Variants in ZBTB20 observed in about 807,000 individuals in gnomAD.
ZBTB20 encodes zinc finger and BTB domain containing 20.
Under a neutral mutation model 56.9 loss-of-function variants are expected in ZBTB20, and 9 were observed. That is an observed-to-expected ratio of 0.16 (90% confidence interval 0.10 to 0.28). ZBTB20 has a LOEUF of 0.28. Among genes scored for constraint, ZBTB20 ranks in the 10% least tolerant of loss-of-function variants. The pLI is 1.00. For synonymous variants in ZBTB20, 417 were observed against 420.7 expected (o/e 0.99, Z 0.11); for missense variants, 655 against 1,003.0 (o/e 0.65, Z 4.69).
At position 114,471,527 on chromosome 3, in the gene ZBTB20, T is replaced by C. The variant is rs548992088; in HGVS notation, c.-255+28825A>G. ...AAACAAGGTGGTGGGTCCAGCAGGG[T>C]TGCATGGTTGAAGTCAGCAAATGTC... is the stretch of plus-strand genomic sequence containing the variant. On this transcript the variant is annotated intron_variant, in intron 7 of 11. Transcript: ENST00000675478. 4.6e-5 allele frequency among the ~76,000 whole-genome samples: 7 copies of C among 152,128 alleles called. No individual in the cohort carries two copies. In the South Asian group the frequency reaches 1.2e-3, roughly 27 times the overall value.
At chr3:114,669,801 TAA>T (rs1560106878) in intron 6 of ZBTB20, among the ~76,000 whole-genome samples, 2 of 152,070 alleles carry the variant, frequency 1.3e-5, no homozygotes, top group Non-Finnish European at 2.9e-5. Flanking sequence ...AGGCTAAAGC[TAA>T]GAGTTGCAGA....
At chr3:115,146,374 G>T (rs935489748) in intron 1 of ZBTB20, among the ~76,000 whole-genome samples, 1 of 141,606 alleles carries the variant, frequency 7.1e-6, no homozygotes, top group Non-Finnish European at 1.5e-5. Flanking sequence ...AACAGCTGGG[G>T]GCGGGGGGTG....
chr3:115,008,573 T>A (rs1482282508), intron 2 of ZBTB20, among the ~76,000 whole-genome samples: 1 of 151,898 alleles, frequency 6.6e-6, no homozygotes, highest in East Asian at 1.9e-4. Context: ...ATTCTAAACA[T>A]AATTTTACAT....
chr3:114,469,784 T>A (rs1245446639), intron 7 of ZBTB20, among the ~76,000 whole-genome samples: 1 of 152,160 alleles, frequency 6.6e-6, no homozygotes, highest in African/African-American at 2.4e-5. Context: ...CCTCCCTCTC[T>A]TATCATGATG....
intron 6 of ZBTB20, among the ~76,000 whole-genome samples, chr3:114,604,260 A>G (rs907990798): frequency 1.3e-5 from 2 of 152,090 alleles, no homozygotes; most frequent in African/African-American, 4.8e-5. Flanking sequence ...ACTGGAGAAT[A>G]CAAGATTGAG....
chr3:114,887,102 A>G (rs1332753562), intron 4 of ZBTB20, among the ~76,000 whole-genome samples: 2 of 152,108 alleles, frequency 1.3e-5, no homozygotes, highest in East Asian at 3.9e-4. Flanking sequence ...TTATGTTTCT[A>G]TAAAGCTACC....
chr3:115,039,513 T>C (rs544051142), intron 2 of ZBTB20, among the ~76,000 whole-genome samples: 1 of 152,030 alleles, frequency 6.6e-6, no homozygotes, highest in South Asian at 2.1e-4. Flanking sequence ...GAAATATTAG[T>C]GAACATATTT....
At chr3:114,692,751 G>A (rs1436640510) in intron 6 of ZBTB20, among the ~76,000 whole-genome samples, 1 of 152,022 alleles carries the variant, frequency 6.6e-6, no homozygotes, top group African/African-American at 2.4e-5. Flanking sequence ...TCTTCTCCCA[G>A]TCATGGAAAT....
intron 5 of ZBTB20, among the ~76,000 whole-genome samples, chr3:114,769,548 AATGCATATATATATATATATAT>A (rs1364213085): frequency 9.0e-5 from 9 of 100,312 alleles, no homozygotes; most frequent in African/African-American, 3.7e-4. Context: ...TGTGTGCCAA[AATGCATATATATATATATATAT>A]ATATATATAT....
chr3:115,103,760 G>GA (rs1261566572), intron 1 of ZBTB20, among the ~76,000 whole-genome samples: 3 of 152,016 alleles, frequency 2.0e-5, no homozygotes, highest in Non-Finnish European at 4.4e-5. Context: ...TCCTAAATAG[G>GA]AAAAAATCTG....
chr3:114,871,792 G>A (rs911246115), intron 4 of ZBTB20, among the ~76,000 whole-genome samples: 2 of 152,006 alleles, frequency 1.3e-5, no homozygotes, highest in African/African-American at 4.8e-5. Context: ...AAAAGCTAAT[G>A]ATCATCTTAT....
chr3:114,907,457 C>G (rs1485911222), intron 3 of ZBTB20, among the ~76,000 whole-genome samples: 1 of 151,790 alleles, frequency 6.6e-6, no homozygotes, highest in East Asian at 1.9e-4. Flanking sequence ...AATATTCAGA[C>G]AGAACAAGTC....
chr3:114,449,683 T>TAAAA (rs11439656), intron 7 of ZBTB20, among the ~76,000 whole-genome samples: 1 of 134,540 alleles, frequency 7.4e-6, no homozygotes, highest in African/African-American at 2.8e-5. Context: ...AGCCTAGCTT[T>TAAAA]AAAAAAAAAA....
chr3:114,899,801 T>C (rs2107663410), intron 4 of ZBTB20, among the ~76,000 whole-genome samples: 1 of 152,288 alleles, frequency 6.6e-6, no homozygotes, highest in South Asian at 2.1e-4. Flanking sequence ...ACCACAACAC[T>C]GCATGGTTGA....
chr3:114,396,508 C>T (rs1360932630), intron 7 of ZBTB20, among the ~76,000 whole-genome samples: 4 of 152,080 alleles, frequency 2.6e-5, no homozygotes, highest in African/African-American at 9.7e-5. Flanking sequence ...AATTATATTC[C>T]CATTTTATAG....
intron 5 of ZBTB20, among the ~76,000 whole-genome samples, chr3:114,752,380 C>G (rs1180503542): frequency 6.6e-6 from 1 of 152,120 alleles, no homozygotes; most frequent in Non-Finnish European, 1.5e-5. Flanking sequence ...AATCTGAAGA[C>G]AGCTGAAATG....
intron 6 of ZBTB20, among the ~76,000 whole-genome samples, chr3:114,510,178 C>T (rs2109793316): frequency 6.6e-6 from 1 of 152,232 alleles, no homozygotes; most frequent in Non-Finnish European, 1.5e-5. Context: ...AAAGTGTCAG[C>T]AGAGGTAAAT....
intron 1 of ZBTB20, among the ~76,000 whole-genome samples, chr3:115,099,065 T>A (rs2083483607): frequency 1.3e-5 from 2 of 152,152 alleles, no homozygotes; most frequent in Admixed American, 1.3e-4. Context: ...ATGGCCCTTA[T>A]TAAAATAATC....
At chr3:114,481,543 C>T (rs2041543987) in intron 7 of ZBTB20, among the ~76,000 whole-genome samples, 1 of 152,268 alleles carries the variant, frequency 6.6e-6, no homozygotes, top group Middle Eastern at 3.4e-3. Flanking sequence ...GATCAAATAC[C>T]ACCTGACTGT....
Sources: allele counts gnomAD v4.1 joint callset (sites outside exome capture counted in the v4.1 genomes callset), GRCh38; gene constraint gnomAD v4.1.1; transcripts MANE v1.5; gene names NCBI Gene and HGNC (gene_info 2026-07-23, HGNC 2026-07-21).